The following FBXL20 variants were observed in gnomAD, a reference collection of about 807,000 sequenced individuals.
FBXL20 encodes the protein F-box/LRR-repeat protein 20.
FBXL20 carries 11 observed loss-of-function variants against 64.0 expected under a neutral mutation model. The observed-to-expected ratio is 0.17, with a 90% CI of 0.11 to 0.28. The LOEUF is 0.28. FBXL20 is among the 10% of genes least tolerant of loss of function. The pLI, the probability that FBXL20 is intolerant of heterozygous loss-of-function variation, is 1.00. For missense variants in FBXL20, 303 were observed against 526.2 expected (o/e 0.58, Z 4.15); for synonymous variants, 184 against 189.0 (o/e 0.97, Z 0.22).
intron 9 of FBXL20, among the ~76,000 whole-genome samples, chr17:39,276,170 C>T (rs1490111240): frequency 7.0e-6 from 1 of 143,302 alleles, no homozygotes; most frequent in African/African-American, 2.7e-5. Context: ...TCGCTTAACC[C>T]CAGGAGGAGA....
At chr17:39,356,126 A>AATCACCTG (rs1267400923) in intron 1 of FBXL20, among the ~76,000 whole-genome samples, 1 of 150,938 alleles carries the variant, frequency 6.6e-6, no homozygotes, top group Non-Finnish European at 1.5e-5. Context: ...GAGGCAGAAG[A>AATCACCTG]ATCACCTGAA....
At position 39,279,198 on chromosome 17, in the gene FBXL20, T is replaced by C. The variant is rs929902177; in HGVS notation, c.696+2191A>G. 2.7e-4 allele frequency among the ~76,000 whole-genome samples: 41 copies of C among 152,038 alleles called. 1 individual carries two copies. Among genetic ancestry groups the C allele is most frequent in the East Asian group, 2.5e-3 (13 of 5,156 alleles). Reference sequence around the variant, plus strand: ...GGCAAATTCTGATAGTCAGCAACTATAGTAATCGGAATTGTAAGGAAGAGC... The same window carrying C: ...GGCAAATTCTGATAGTCAGCAACTACAGTAATCGGAATTGTAAGGAAGAGC... On this transcript the variant is annotated intron_variant, in intron 9 of 14. Coordinates refer to ENST00000264658, the MANE Select transcript of FBXL20 (RefSeq NM_032875.3).
intron 1 of FBXL20, among the ~76,000 whole-genome samples, chr17:39,360,917 A>G (rs1382266392): frequency 1.3e-5 from 2 of 152,160 alleles, no homozygotes; most frequent in African/African-American, 4.8e-5. Flanking sequence ...GTTAGTCTAC[A>G]TGTATTAATA....
At chr17:39,382,606 G>A (rs1241570260) in intron 1 of FBXL20, among the ~76,000 whole-genome samples, 1 of 152,166 alleles carries the variant, frequency 6.6e-6, no homozygotes, top group East Asian at 1.9e-4. Context: ...GCTGATGTGG[G>A]AGGATCACTT....
At chr17:39,274,940 ATTT>A (rs535856844) in intron 10 of FBXL20, 27 bp downstream of exon 10, 86 of 1,610,854 alleles carry the variant, frequency 5.3e-5, no homozygotes, top group Non-Finnish European at 7.2e-5. Context: ...TTGTTCTATG[ATTT>A]TTTTGAGCTA....
At chr17:39,374,280 G>A (rs927892815) in intron 1 of FBXL20, among the ~76,000 whole-genome samples, 1 of 151,826 alleles carries the variant, frequency 6.6e-6, no homozygotes, top group Admixed American at 6.6e-5. Context: ...TGTAATCCTA[G>A]CACTTTGGGA....
intron 2 of FBXL20, among the ~76,000 whole-genome samples, chr17:39,317,673 CTTTGTTTTTTTTTTTGTTTTTTTTTTTG>C (rs2047307048): frequency 9.2e-6 from 1 of 108,456 alleles, no homozygotes; most frequent in African/African-American, 4.0e-5. Flanking sequence ...GAGAGTTTGA[CTTTGTTTTTTTTTTTGTTTTTTTTTTTG>C]TTTTTTTTTT....
intron 2 of FBXL20, among the ~76,000 whole-genome samples, chr17:39,333,295 G>A (rs1032788843): frequency 1.1e-4 from 16 of 152,196 alleles, no homozygotes; most frequent in Admixed American, 7.9e-4. Context: ...GCAGGCGCGC[G>A]CCGCCACGCC....
At chr17:39,274,477 T>A (rs2046873043) in intron 10 of FBXL20, among the ~76,000 whole-genome samples, 1 of 152,074 alleles carries the variant, frequency 6.6e-6, no homozygotes, top group Non-Finnish European at 1.5e-5. Context: ...CTACAAAAAG[T>A]AAAAAACACA....
chr17:39,275,882 T>C (rs755961353), intron 9 of FBXL20, among the ~76,000 whole-genome samples: 4 of 152,182 alleles, frequency 2.6e-5, no homozygotes, highest in African/African-American at 9.7e-5. Context: ...ATTTTAGTTT[T>C]ATAATATAAA....
chr17:39,391,084 G>C (rs1047402000), intron 1 of FBXL20, among the ~76,000 whole-genome samples: 5 of 151,870 alleles, frequency 3.3e-5, no homozygotes. Flanking sequence ...TCTGTAAAAG[G>C]ATTTTTCCAT....
chr17:39,334,152 G>C (rs571338411), intron 2 of FBXL20, among the ~76,000 whole-genome samples: 1 of 152,176 alleles, frequency 6.6e-6, no homozygotes, highest in Non-Finnish European at 1.5e-5. Flanking sequence ...TTGGGATGTT[G>C]TTAATCTATA....
chr17:39,258,376 T>A lies in FBXL20; in HGVS notation c.*3084A>T, dbSNP rs996688573. The A allele has an allele frequency of 1.3e-5, 2 of 152,166 alleles. No individual in the cohort carries two copies. The highest frequency in any genetic ancestry group is 2.9e-5 in the Non-Finnish European group (2 of 68,036). 9.4% of individuals were successfully genotyped at this position (152,166 alleles called of 1,614,324 possible). A position where few individuals can be genotyped will look rare whatever the true frequency, so the allele number is the denominator to read the frequency against. On this transcript the variant is annotated 3_prime_UTR_variant, in exon 15 of 15. Transcript: ENST00000264658. ...TAGGCTGCAAATCAGCATAAAAAAA[T>A]GTATTTCCTTCCAAGCTTGATAGGC...
rs989093616 is a variant in FBXL20, at chr17:39,265,309, C to G, written c.990+88G>C. ...GAAGCATCCTTTCCTAAAATGGTAG[C>G]CAGACACTAAGAGCTGGGTTCTTGA... is the stretch of plus-strand genomic sequence containing the variant. On this transcript the variant is annotated intron_variant, in intron 13 of 14. Transcript: ENST00000264658. The G allele has an allele frequency of 1.1e-5, 11 of 991,754 alleles. No individual in the cohort carries two copies. In the African/African-American group the frequency reaches 1.5e-4, roughly 13 times the overall value. The allele number at this position is 991,754 out of a possible 1,614,324, so 61.4% of individuals were successfully genotyped here. A position where few individuals can be genotyped will look rare whatever the true frequency, so the allele number is the denominator to read the frequency against.
At chr17:39,324,069 G>A (rs865951036) in intron 2 of FBXL20, among the ~76,000 whole-genome samples, 1 of 117,694 alleles carries the variant, frequency 8.5e-6, no homozygotes, top group Admixed American at 1.2e-4. Context: ...GTGAGCCACC[G>A]TGCCTGGCCT....
chr17:39,347,900 T>C (rs929565130), intron 1 of FBXL20, among the ~76,000 whole-genome samples: 56 of 152,246 alleles, frequency 3.7e-4, no homozygotes, highest in African/African-American at 1.2e-3. Flanking sequence ...AGTTTCAGCT[T>C]TCTACATATG....
At chr17:39,402,499 G>GT (rs2048259629), upstream of FBXL20, 5 of 323,314 alleles carry the variant, frequency 1.5e-5, no homozygotes, top group Admixed American at 2.5e-4. Flanking sequence ...GTGCAGGGCT[G>GT]GAGCCGGGCA....
chr17:39,363,304 G>A (rs138729326), intron 1 of FBXL20, among the ~76,000 whole-genome samples: 4 of 151,358 alleles, frequency 2.6e-5, no homozygotes, highest in South Asian at 2.1e-4. Context: ...GTGAGCCACC[G>A]CGCTTGGCCA....
intron 1 of FBXL20, among the ~76,000 whole-genome samples, chr17:39,391,601 GAACT>G (rs755267397): frequency 6.6e-6 from 1 of 152,010 alleles, no homozygotes; most frequent in Non-Finnish European, 1.5e-5. Context: ...TCATAGTTCG[GAACT>G]GACTCCCTTC....
Sources: allele counts gnomAD v4.1 joint callset (sites outside exome capture counted in the v4.1 genomes callset), GRCh38; gene constraint gnomAD v4.1.1; transcripts MANE v1.5; gene names NCBI Gene and HGNC (gene_info 2026-07-23, HGNC 2026-07-21).